SCOC: variants seen among roughly 807,000 people sequenced by gnomAD.
SCOC encodes short coiled-coil protein, also known as short coiled coil protein.
Under a neutral mutation model 9.9 loss-of-function variants are expected in SCOC, and 7 were observed. The ratio of observed to expected loss-of-function variants is 0.71; its 90% confidence interval spans 0.40 to 1.33. SCOC has a LOEUF of 1.33. SCOC is among the 40% of genes most tolerant of loss of function. The pLI is 0.01. For synonymous variants in SCOC, 19 were observed against 28.2 expected (o/e 0.67, Z 1.03); for missense variants, 66 against 89.7 (o/e 0.74, Z 1.07).
At chr4:140,345,349 T>C (rs1726691568) in intron 2 of SCOC, among the ~76,000 whole-genome samples, 1 of 152,152 alleles carries the variant, frequency 6.6e-6, no homozygotes, top group African/African-American at 2.4e-5. Context: ...TAATAACCAG[T>C]GGTGGACTCA....
chr4:140,268,500 T>A (rs1730777317), intron 1 of SCOC, among the ~76,000 whole-genome samples: 1 of 152,184 alleles, frequency 6.6e-6, no homozygotes. Flanking sequence ...TTCCAGGAGA[T>A]CCTTTGTTGT....
chr4:140,366,730 T>G, intron 2 of SCOC: 1 of 1,580,252 alleles, frequency 6.3e-7, no homozygotes, highest in Non-Finnish European at 8.7e-7. Flanking sequence ...TCTCCTCACT[T>G]GAGTGCAAGG....
chr4:140,341,928 T>C (rs1354992649), upstream of SCOC, among the ~76,000 whole-genome samples: 1 of 152,222 alleles, frequency 6.6e-6, no homozygotes, highest in Non-Finnish European at 1.5e-5. Context: ...ATGATCAAGC[T>C]GGACCTTCCA....
chr4:140,289,017 GACAC>G (rs899888251), intron 1 of SCOC, among the ~76,000 whole-genome samples: 8 of 151,768 alleles, frequency 5.3e-5, no homozygotes, highest in East Asian at 1.9e-4. Context: ...CCACACACAT[GACAC>G]ACACACTCAC....
chr4:140,288,926 A>G (rs1442285812), intron 1 of SCOC, among the ~76,000 whole-genome samples: 2 of 152,038 alleles, frequency 1.3e-5, no homozygotes, highest in Admixed American at 1.3e-4. Context: ...CACATACATC[A>G]CATACATACA....
rs551987425 is a variant in SCOC at position 140,336,598 on chromosome 4, C to T, written c.-18-7023C>T. Among the ~76,000 whole-genome samples the T allele has an allele frequency of 2.2e-4, 34 of 152,168 alleles. No individual in the cohort carries two copies. The South Asian group carries it at 3.7e-3, about 17-fold the overall frequency. ...GCTGAATGATATTCCATTGAATGTACGTATCACAATTTATTTATCCATTTC... is the reference window on the plus strand; with the variant it reads ...GCTGAATGATATTCCATTGAATGTATGTATCACAATTTATTTATCCATTTC... On this transcript the variant is annotated intron_variant, in intron 1 of 4. Coordinates refer to the SCOC transcript ENST00000394205.
intron 1 of SCOC, among the ~76,000 whole-genome samples, chr4:140,272,172 C>T (rs1276331274): frequency 2.0e-5 from 3 of 151,826 alleles, no homozygotes. Flanking sequence ...CCTCAGCCCC[C>T]ATGAGTAACT....
At chr4:140,303,134 G>C (rs1477899824) in intron 1 of SCOC, among the ~76,000 whole-genome samples, 1 of 151,858 alleles carries the variant, frequency 6.6e-6, no homozygotes, top group East Asian at 1.9e-4. Flanking sequence ...CCTTCACCTA[G>C]AGCTTAAAAA....
At chr4:140,259,978 C>T (rs1730594751) in intron 1 of SCOC, among the ~76,000 whole-genome samples, 1 of 152,210 alleles carries the variant, frequency 6.6e-6, no homozygotes, top group East Asian at 1.9e-4. Flanking sequence ...CTTTCCAAAT[C>T]CTCCCCCATT....
At chr4:140,350,035 C>T (rs1726910984) in intron 2 of SCOC, among the ~76,000 whole-genome samples, 1 of 152,202 alleles carries the variant, frequency 6.6e-6, no homozygotes, top group African/African-American at 2.4e-5. Context: ...TTAATGTTCC[C>T]TCCACACAGT....
intron 2 of SCOC, among the ~76,000 whole-genome samples, chr4:140,365,673 T>G (rs1464351521): frequency 1.3e-5 from 2 of 152,222 alleles, no homozygotes; most frequent in East Asian, 3.9e-4. Flanking sequence ...CTCTTCCTCC[T>G]TCTCCTCAGC....
upstream of SCOC, among the ~76,000 whole-genome samples, chr4:140,369,745 T>G (rs1416236383): frequency 6.6e-6 from 1 of 152,096 alleles, no homozygotes; most frequent in East Asian, 1.9e-4. Flanking sequence ...AACTATATTA[T>G]CAATATTCAC....
intron 1 of SCOC, among the ~76,000 whole-genome samples, chr4:140,333,607 A>C (rs1171137779): frequency 6.6e-6 from 1 of 152,174 alleles, no homozygotes; most frequent in Non-Finnish European, 1.5e-5. Context: ...ATACTGACTA[A>C]AAGTTACATA....
In SCOC at chr4:140,353,194, G is replaced by A. The variant is rs181364375; in HGVS notation, c.70+9486G>A. Among the ~76,000 whole-genome samples, 125 of 152,162 alleles carry A rather than the reference G, an allele frequency of 8.2e-4. 1 individual carries two copies. Among genetic ancestry groups the A allele is most frequent in the East Asian group, 7.8e-4 (4 of 5,160 alleles). On this transcript the variant is annotated intron_variant, in intron 2 of 4. Coordinates refer to the SCOC transcript ENST00000338517. ...CTGGGTACAGAGAGAAGGAGGACAC[G>A]GGCCCCAAAAGAACAGGACAAACCA... is the stretch of plus-strand genomic sequence containing the variant.
chr4:140,351,680 G>A (rs1248918868), intron 2 of SCOC, among the ~76,000 whole-genome samples: 1 of 151,746 alleles, frequency 6.6e-6, no homozygotes, highest in African/African-American at 2.4e-5. Flanking sequence ...AAAGCAGCCC[G>A]GGTTTGAAAA....
At chr4:140,288,279 A>C (rs1420115457) in intron 1 of SCOC, among the ~76,000 whole-genome samples, 1 of 152,066 alleles carries the variant, frequency 6.6e-6, no homozygotes, top group Non-Finnish European at 1.5e-5. Flanking sequence ...GTAGACAAAC[A>C]CATCATATAA....
chr4:140,262,161 C>G (rs892817977), intron 1 of SCOC, among the ~76,000 whole-genome samples: 5 of 152,088 alleles, frequency 3.3e-5, no homozygotes, highest in African/African-American at 1.2e-4. Flanking sequence ...GTAGTTTGAC[C>G]AGGGTCTCTA....
At chr4:140,331,171 T>G (rs952879025) in intron 1 of SCOC, among the ~76,000 whole-genome samples, 3 of 152,182 alleles carry the variant, frequency 2.0e-5, no homozygotes, top group Non-Finnish European at 4.4e-5. Context: ...ACAATAGCAT[T>G]TTCTTAATCT....
intron 1 of SCOC, among the ~76,000 whole-genome samples, chr4:140,261,791 G>A (rs1242760546): frequency 1.3e-5 from 2 of 152,140 alleles, no homozygotes; most frequent in South Asian, 4.1e-4. Context: ...TTGTGCAAAG[G>A]GGAGGTGAGT....
Sources: allele counts gnomAD v4.1 joint callset (sites outside exome capture counted in the v4.1 genomes callset), GRCh38; gene constraint gnomAD v4.1.1; transcripts MANE v1.5; gene names NCBI Gene and HGNC (gene_info 2026-07-23, HGNC 2026-07-21).